KCNK13: variants seen among roughly 807,000 people sequenced by gnomAD.
KCNK13 encodes the protein potassium two pore domain channel subfamily K member 13.
KCNK13 carries 12 observed loss-of-function variants against 23.4 expected under a neutral mutation model. That is an observed-to-expected ratio of 0.51 (90% CI 0.33 to 0.83). The LOEUF (loss-of-function observed/expected upper bound fraction) is 0.83, where lower values mean the gene tolerates loss of function less well. KCNK13 is among the 40% of genes least tolerant of loss of function. The pLI is 0.02. For synonymous variants in KCNK13, 231 were observed against 229.5 expected, an observed-to-expected ratio of 1.01 and a Z score of -0.06; for missense variants, 463 against 556.3, an observed-to-expected ratio of 0.83 and a Z score of 1.69.
intron 1 of KCNK13, among the ~76,000 whole-genome samples, chr14:90,082,711 TATGA>T (rs1187669715): frequency 2.0e-5 from 3 of 152,346 alleles, no homozygotes; most frequent in Admixed American, 2.0e-4. Flanking sequence ...TTTTAGCTAC[TATGA>T]ATAATACCAT....
In KCNK13 at chr14:90,077,052, C is replaced by T. The variant is rs1156584426; in HGVS notation, c.334+14513C>T. 3.3e-5 allele frequency among the ~76,000 whole-genome samples: 5 copies of T among 151,032 alleles called. No individual in the cohort carries two copies. In the East Asian group the frequency reaches 5.9e-4, roughly 18 times the overall value. On this transcript the variant is annotated intron_variant, in intron 1 of 1. Coordinates refer to ENST00000282146, the MANE Select transcript of KCNK13 (RefSeq NM_022054.4). Reference sequence around the variant, plus strand: ...GCCAGGATGGTCTCGATCTCCTGACCTCGTGATCCGCCCGCCTCAGCCTCC... The same window carrying T: ...GCCAGGATGGTCTCGATCTCCTGACTTCGTGATCCGCCCGCCTCAGCCTCC...
intron 1 of KCNK13, among the ~76,000 whole-genome samples, chr14:90,166,770 G>A (rs1293460757): frequency 1.3e-5 from 2 of 151,998 alleles, no homozygotes; most frequent in African/African-American, 4.8e-5. Flanking sequence ...TGCCTGGCCT[G>A]TGGAAGGAGA....
rs1277254082 is a variant in KCNK13, at chr14:90,160,931, TA to T, written c.335-23177del. ...CTAATAATCAGTTGTGAAAAAATAT[TA>T]AATATTCTTTTTTAATATGTACCCA... On this transcript the variant is annotated intron_variant, in intron 1 of 1. Transcript: ENST00000282146. Among the ~76,000 whole-genome samples, 3 of 152,024 alleles carry T rather than the reference TA, an allele frequency of 2.0e-5. No individual in the cohort carries two copies. In the East Asian group the frequency reaches 5.8e-4, roughly 29 times the overall value.
chr14:90,155,235 A>T (rs1400972090), intron 1 of KCNK13, among the ~76,000 whole-genome samples: 1 of 152,098 alleles, frequency 6.6e-6, no homozygotes, highest in Non-Finnish European at 1.5e-5. Flanking sequence ...ATCTGGGGGA[A>T]ATGCAGAGGA....
Position 90,103,012 on chromosome 14 carries a change from A to G in KCNK13, c.334+40473A>G, listed in dbSNP as rs534761202. Reference sequence around the variant, plus strand: ...GACGCTCAATGTTTAGCTCCCACTTATAAGTGAGAACATGCAGTATTTGGC... The same window carrying G: ...GACGCTCAATGTTTAGCTCCCACTTGTAAGTGAGAACATGCAGTATTTGGC... On this transcript the variant is annotated intron_variant, in intron 1 of 1. Transcript: ENST00000282146. Among the ~76,000 whole-genome samples, 15 of 152,298 alleles carry G rather than the reference A, an allele frequency of 9.8e-5. No homozygotes were observed. The South Asian group carries it at 2.9e-3, about 30-fold the overall frequency.
chr14:90,063,544 G>A (rs956035), intron 1 of KCNK13, among the ~76,000 whole-genome samples: 1 of 151,940 alleles, frequency 6.6e-6, no homozygotes, highest in Non-Finnish European at 1.5e-5. Context: ...GGGGAGGGAG[G>A]TTGGAAGAGT....
At chr14:90,106,999 A>T (rs1180940913) in intron 1 of KCNK13, among the ~76,000 whole-genome samples, 1 of 151,780 alleles carries the variant, frequency 6.6e-6, no homozygotes, top group Non-Finnish European at 1.5e-5. Flanking sequence ...CCAGCCTGGG[A>T]GACAGACTGA....
At chr14:90,128,202 A>T (rs1889825271) in intron 1 of KCNK13, among the ~76,000 whole-genome samples, 1 of 152,202 alleles carries the variant, frequency 6.6e-6, no homozygotes, top group South Asian at 2.1e-4. Flanking sequence ...TTTGTGTAGC[A>T]GTTATGTACT....
intron 1 of KCNK13, among the ~76,000 whole-genome samples, chr14:90,127,189 A>T (rs1341624323): frequency 1.3e-5 from 2 of 152,224 alleles, no homozygotes; most frequent in Non-Finnish European, 2.9e-5. Flanking sequence ...ACTCTGTATT[A>T]TCGTCACAAC....
At chr14:90,160,144 A>G (rs1478757656) in intron 1 of KCNK13, among the ~76,000 whole-genome samples, 3 of 152,214 alleles carry the variant, frequency 2.0e-5, no homozygotes, top group African/African-American at 7.2e-5. Flanking sequence ...AGTGAAAGAG[A>G]GATATATTCA....
In KCNK13 at chr14:90,101,790, CAAAAAA is replaced by C. The variant is rs546423368; in HGVS notation, c.334+39268_334+39273del. On this transcript the variant is annotated intron_variant, in intron 1 of 1. Coordinates refer to ENST00000282146, the MANE Select transcript of KCNK13 (RefSeq NM_022054.4). ...GGGCAACAGAGTGAGACTCCGTCTC[CAAAAAA>C]AAAAAAAAAAAAAAAACCTCACAAG... 5.2e-4 allele frequency among the ~76,000 whole-genome samples: 29 copies of C among 55,580 alleles called. No homozygotes were observed. The South Asian group carries it at 5.7e-3, about 11-fold the overall frequency. 36.5% of individuals were successfully genotyped at this position (55,580 alleles called of 152,430 possible).
Position 90,140,524 on chromosome 14 carries a change from G to A in KCNK13, c.335-43587G>A, listed in dbSNP as rs190692998. On this transcript the variant is annotated intron_variant, in intron 1 of 1. Transcript: ENST00000282146. ...GTGAGTCATCATCCCTTCCAGACGA[G>A]TCCCCTCTCTCTAAAGAGAGAAATC... Among the ~76,000 whole-genome samples the A allele has an allele frequency of 3.3e-3, 508 of 152,222 alleles. 4 individuals are homozygous for A. Among genetic ancestry groups the A allele is most frequent in the Non-Finnish European group, 5.3e-3 (362 of 68,006 alleles).
intron 1 of KCNK13, among the ~76,000 whole-genome samples, chr14:90,149,371 GA>G (rs1890109499): frequency 1.3e-5 from 2 of 152,140 alleles, no homozygotes; most frequent in South Asian, 4.1e-4. Flanking sequence ...AAGAAAGAAA[GA>G]AAAAGAGGTT....
At chr14:90,114,242 C>A (rs1184312102) in intron 1 of KCNK13, among the ~76,000 whole-genome samples, 1 of 152,138 alleles carries the variant, frequency 6.6e-6, no homozygotes, top group Non-Finnish European at 1.5e-5. Context: ...TCTGCCCCTC[C>A]CCACGTATCT....
intron 1 of KCNK13, among the ~76,000 whole-genome samples, chr14:90,092,988 G>T (rs11625284): frequency 0.23 from 33,631 of 148,986 alleles, 4,090 homozygotes; most frequent in South Asian, 0.4. Flanking sequence ...CCATTTCTTA[G>T]ACCCTTAATT....
At chr14:90,160,051 A>G (rs1352676243) in intron 1 of KCNK13, among the ~76,000 whole-genome samples, 3 of 152,050 alleles carry the variant, frequency 2.0e-5, no homozygotes, top group Non-Finnish European at 2.9e-5. Context: ...AGAAAATACA[A>G]AGTTGTATTG....
intron 1 of KCNK13, among the ~76,000 whole-genome samples, chr14:90,163,645 T>C (rs961847782): frequency 5.9e-5 from 9 of 152,200 alleles, no homozygotes; most frequent in Non-Finnish European, 8.8e-5. Flanking sequence ...TCACACTTGC[T>C]AGCTGAGTTG....
chr14:90,179,621 C>A (rs1890462892), intron 1 of KCNK13, among the ~76,000 whole-genome samples: 1 of 152,306 alleles, frequency 6.6e-6, no homozygotes, highest in East Asian at 1.9e-4. Flanking sequence ...AAGCCAATCT[C>A]ATTCGCCGTT....
At chr14:90,154,345 C>T (rs375912161) in intron 1 of KCNK13, among the ~76,000 whole-genome samples, 1 of 151,232 alleles carries the variant, frequency 6.6e-6, no homozygotes, top group African/African-American at 2.4e-5. Context: ...TGCTCTCCCA[C>T]CCATAATGCC....
Sources: allele counts gnomAD v4.1 joint callset (sites outside exome capture counted in the v4.1 genomes callset), GRCh38; gene constraint gnomAD v4.1.1; transcripts MANE v1.5; gene names NCBI Gene and HGNC (gene_info 2026-07-23, HGNC 2026-07-21).